The following ENTREP2 variants were observed in gnomAD, a reference collection of about 807,000 sequenced individuals.
The protein encoded by ENTREP2 is endosomal transmembrane epsin interactor 2.
chr15:29,414,368 T>C, the ENTREP2 span, among the ~76,000 whole-genome samples: 2 of 152,026 alleles, frequency 1.3e-5, no homozygotes, highest in African/African-American at 4.8e-5. Context: ...CTCAACTACA[T>C]GGAAACTGAA....
At chr15:29,240,134 G>A in the ENTREP2 span, among the ~76,000 whole-genome samples, 2 of 152,094 alleles carry the variant, frequency 1.3e-5, no homozygotes, top group Admixed American at 6.5e-5. Context: ...AGGCCGAGGC[G>A]GGCGGATCAC....
chr15:29,136,263 A>G, the ENTREP2 span: 3 of 1,279,826 alleles, frequency 2.3e-6, no homozygotes, highest in African/African-American at 4.5e-5. Context: ...CCTCACAGCC[A>G]GCTCGGACCT....
At chr15:29,347,145 AT>A in the ENTREP2 span, among the ~76,000 whole-genome samples, 4 of 152,014 alleles carry the variant, frequency 2.6e-5, no homozygotes, top group Admixed American at 2.6e-4. Flanking sequence ...AGAAGGAACC[AT>A]TTCCTGTCTC....
chr15:29,622,984 A>C, the ENTREP2 span, among the ~76,000 whole-genome samples: 293 of 152,278 alleles, frequency 1.9e-3, 3 homozygotes, highest in African/African-American at 6.6e-3. Flanking sequence ...TTCCACCCCA[A>C]ACATCATCAT....
chr15:29,362,198 C>G, the ENTREP2 span, among the ~76,000 whole-genome samples: 5 of 152,058 alleles, frequency 3.3e-5, no homozygotes, highest in Non-Finnish European at 5.9e-5. Flanking sequence ...CCAGACAGGG[C>G]TATGAGAATA....
At chr15:29,578,902 G>A in the ENTREP2 span, among the ~76,000 whole-genome samples, 90 of 152,264 alleles carry the variant, frequency 5.9e-4, no homozygotes, top group African/African-American at 2.1e-3. Context: ...AATTATTGAA[G>A]GAGGGTAATA....
the ENTREP2 span, among the ~76,000 whole-genome samples, chr15:29,411,961 A>C: frequency 1.3e-5 from 2 of 152,074 alleles, no homozygotes; most frequent in Non-Finnish European, 2.9e-5. Flanking sequence ...TTGCACCTAC[A>C]CTTACTGTCT....
At chr15:29,633,391 G>A in the ENTREP2 span, among the ~76,000 whole-genome samples, 1 of 151,924 alleles carries the variant, frequency 6.6e-6, no homozygotes, top group Non-Finnish European at 1.5e-5. Flanking sequence ...TCTATAAGAT[G>A]TATTTTATGT....
chr15:29,617,897 C>A, the ENTREP2 span, among the ~76,000 whole-genome samples: 10 of 152,332 alleles, frequency 6.6e-5, no homozygotes, highest in African/African-American at 2.4e-4. Context: ...TAGGACCAGG[C>A]AGCCTGGCAT....
At chr15:29,292,874 TG>T in the ENTREP2 span, among the ~76,000 whole-genome samples, 1 of 152,212 alleles carries the variant, frequency 6.6e-6, no homozygotes, top group African/African-American at 2.4e-5. Context: ...TTAACATACG[TG>T]GTCATAAAGA....
chr15:29,213,552 A>G, the ENTREP2 span, among the ~76,000 whole-genome samples: 639 of 152,214 alleles, frequency 4.2e-3, 7 homozygotes, highest in Admixed American at 5.2e-3. Flanking sequence ...CTTTGAAGCA[A>G]TTGTGAATGG....
chr15:29,633,883 C>T, the ENTREP2 span, among the ~76,000 whole-genome samples: 1 of 151,616 alleles, frequency 6.6e-6, no homozygotes, highest in African/African-American at 2.4e-5. Context: ...CGCTTGAACC[C>T]GGGAGGCGAA....
the ENTREP2 span, among the ~76,000 whole-genome samples, chr15:29,284,556 CAAAAAA>C: frequency 8.0e-6 from 1 of 125,484 alleles, no homozygotes. Flanking sequence ...GACTCCATCT[CAAAAAA>C]AAAAAAAAAA....
the ENTREP2 span, among the ~76,000 whole-genome samples, chr15:29,546,782 G>T: frequency 2.0e-5 from 3 of 151,550 alleles, no homozygotes; most frequent in Non-Finnish European, 4.4e-5. Flanking sequence ...AGCTACTCGG[G>T]AGGCTGAGGC....
At chr15:29,143,812 G>T in the ENTREP2 span, among the ~76,000 whole-genome samples, 5 of 152,278 alleles carry the variant, frequency 3.3e-5, no homozygotes, top group African/African-American at 1.2e-4. Context: ...AACCCGCTCA[G>T]AACAAAGAGG....
the ENTREP2 span, among the ~76,000 whole-genome samples, chr15:29,437,562 C>A: frequency 6.6e-6 from 1 of 152,312 alleles, no homozygotes; most frequent in African/African-American, 2.4e-5. Flanking sequence ...CACCCCTTTC[C>A]CCTGGCTCTT....
the ENTREP2 span, among the ~76,000 whole-genome samples, chr15:29,277,412 C>A: frequency 6.6e-6 from 1 of 151,746 alleles, no homozygotes. Flanking sequence ...AGGAGTTTTA[C>A]ACAATTTGGA....
chr15:29,672,976 G>T, the ENTREP2 span, among the ~76,000 whole-genome samples: 1 of 152,098 alleles, frequency 6.6e-6, no homozygotes, highest in South Asian at 2.1e-4. Flanking sequence ...TTGATTATAT[G>T]CTAAACAAGC....
the ENTREP2 span, among the ~76,000 whole-genome samples, chr15:29,338,942 G>A: frequency 5.3e-5 from 8 of 152,098 alleles, no homozygotes; most frequent in Admixed American, 3.3e-4. Flanking sequence ...AGCAGGGCCC[G>A]AGAGCCTGTG....
Sources: gnomAD v4.1 joint callset for allele counts (sites outside exome capture counted in the v4.1 genomes callset) on GRCh38, gnomAD v4.1.1 for gene constraint, MANE v1.5 for transcripts, NCBI Gene and HGNC (gene_info 2026-07-23, HGNC 2026-07-21) for gene names.